The following PTPRN2 variants were observed in gnomAD, a reference collection of about 807,000 sequenced individuals.
PTPRN2 encodes the protein protein tyrosine phosphatase receptor type N2, also known as receptor-type tyrosine-protein phosphatase N2.
Under a neutral mutation model 118.8 loss-of-function variants are expected in PTPRN2, and 74 were observed. That is an observed-to-expected ratio of 0.62 (90% CI 0.52 to 0.76). The LOEUF (loss-of-function observed/expected upper bound fraction) is 0.76, where lower values mean the gene tolerates loss of function less well. Among genes scored for constraint, PTPRN2 ranks in the 30% least tolerant of loss-of-function variants. PTPRN2 has a pLI of 0.00. For missense variants in PTPRN2, 1,481 were observed against 1,394.4 expected (o/e 1.06, Z -0.99); for synonymous variants, 641 against 608.0 (o/e 1.05, Z -0.80).
At chr7:157,759,291 A>G (rs1480632617) in intron 12 of PTPRN2, among the ~76,000 whole-genome samples, 1 of 152,222 alleles carries the variant, frequency 6.6e-6, no homozygotes, top group African/African-American at 2.4e-5. Flanking sequence ...CCATGCGCCA[A>G]GGGAGCCTGC....
chr7:158,440,846 CG>C (rs1224217317), intron 2 of PTPRN2, among the ~76,000 whole-genome samples: 2 of 25,628 alleles, frequency 7.8e-5, no homozygotes, highest in Non-Finnish European at 1.6e-4. Context: ...ATGGCAGTGA[CG>C]GGGGTGGTGG....
intron 12 of PTPRN2, among the ~76,000 whole-genome samples, chr7:157,689,770 G>C (rs948378429): frequency 6.6e-6 from 1 of 152,208 alleles, no homozygotes; most frequent in East Asian, 1.9e-4. Flanking sequence ...TTCTCTTTGG[G>C]GGAGGAGAGA....
chr7:158,549,261 G>A (rs1011764358), intron 1 of PTPRN2, among the ~76,000 whole-genome samples: 1 of 152,160 alleles, frequency 6.6e-6, no homozygotes, highest in Admixed American at 6.5e-5. Flanking sequence ...TGAATCAGAC[G>A]GTGGTGGCTT....
At chr7:158,319,481 GCCTCCCTCACACTCACACA>G (rs1802671134) in intron 2 of PTPRN2, among the ~76,000 whole-genome samples, 1 of 30,334 alleles carries the variant, frequency 3.3e-5, no homozygotes, top group African/African-American at 1.3e-4. Flanking sequence ...CACAAGCACA[GCCTCCCTCACACTCACACA>G]GCCTCCCCCC....
intron 2 of PTPRN2, among the ~76,000 whole-genome samples, chr7:158,330,572 C>T: frequency 2.2e-5 from 1 of 45,980 alleles, no homozygotes; most frequent in Non-Finnish European, 4.9e-5. Context: ...CACACTCTCA[C>T]CCTAAGAGGT....
At chr7:157,659,244 C>T (rs980615846) in intron 13 of PTPRN2, among the ~76,000 whole-genome samples, 3 of 148,146 alleles carry the variant, frequency 2.0e-5, no homozygotes, top group Non-Finnish European at 4.5e-5. Flanking sequence ...CCTGCAGCCC[C>T]TGTGAGAGCA....
At chr7:158,368,550 G>A (rs548967127) in intron 2 of PTPRN2, among the ~76,000 whole-genome samples, 226 of 152,304 alleles carry the variant, frequency 1.5e-3, no homozygotes, top group African/African-American at 4.7e-3. Flanking sequence ...ATATGAAACT[G>A]TTAGTTCCTG....
At chr7:157,968,524 TTC>T (rs1240213953) in intron 11 of PTPRN2, among the ~76,000 whole-genome samples, 1 of 152,226 alleles carries the variant, frequency 6.6e-6, no homozygotes, top group Admixed American at 6.5e-5. Flanking sequence ...ACCAGCCTCC[TTC>T]TGTTTTTCCA....
At chr7:157,704,697 C>T (rs992514996) in intron 12 of PTPRN2, among the ~76,000 whole-genome samples, 1 of 152,226 alleles carries the variant, frequency 6.6e-6, no homozygotes, top group Non-Finnish European at 1.5e-5. Context: ...CAGGACAGAA[C>T]AGGAACCACT....
At chr7:158,151,905 G>A (rs1821214875) in intron 6 of PTPRN2, among the ~76,000 whole-genome samples, 1 of 152,182 alleles carries the variant, frequency 6.6e-6, no homozygotes, top group South Asian at 2.1e-4. Flanking sequence ...CGGGCGCGGT[G>A]GCTCACGCCT....
intron 3 of PTPRN2, among the ~76,000 whole-genome samples, chr7:158,303,601 G>T (rs934649477): frequency 1.3e-5 from 2 of 152,194 alleles, no homozygotes; most frequent in Non-Finnish European, 2.9e-5. Flanking sequence ...ACAGGAATAA[G>T]AAGAAAGCCA....
intron 11 of PTPRN2, among the ~76,000 whole-genome samples, chr7:158,069,607 GC>G (rs1346423323): frequency 1.3e-5 from 2 of 150,716 alleles, no homozygotes; most frequent in Non-Finnish European, 3.0e-5. Context: ...TGGCCACCAC[GC>G]CCCACCTCCT....
At chr7:158,524,470 AGTCTGCCCTGGAGC>A (rs1824609842) in intron 1 of PTPRN2, among the ~76,000 whole-genome samples, 1 of 101,178 alleles carries the variant, frequency 9.9e-6, no homozygotes, top group Non-Finnish European at 1.9e-5. Flanking sequence ...CCTGGAGCGG[AGTCTGCCCTGGAGC>A]GGAGTCTGCC....
At chr7:158,431,974 C>T (rs547160160) in intron 2 of PTPRN2, among the ~76,000 whole-genome samples, 1 of 152,374 alleles carries the variant, frequency 6.6e-6, no homozygotes, top group South Asian at 2.1e-4. Flanking sequence ...GACAAGCCCA[C>T]CTGAGCAGAA....
chr7:158,587,789 T>C lies in PTPRN2; in HGVS notation c.-120A>G. ...TCCTCCCGCCGCGCCTCTCGCGCTC[T>C]TGCGGCGACGCCGGGCCGAGCTTCA... On this transcript the variant is annotated 5_prime_UTR_variant, in exon 1 of 23. Coordinates refer to ENST00000389418, the MANE Select transcript of PTPRN2 (RefSeq NM_002847.5). 5.2e-6 allele frequency: 5 copies of C among 953,602 alleles called. No homozygotes were observed. Among genetic ancestry groups the C allele is most frequent in the Non-Finnish European group, 6.3e-6 (5 of 798,098 alleles). The allele number at this position is 953,602 out of a possible 1,614,324, so 59.1% of individuals were successfully genotyped here.
At chr7:157,777,040 C>T (rs1363736952) in intron 12 of PTPRN2, among the ~76,000 whole-genome samples, 3 of 151,122 alleles carry the variant, frequency 2.0e-5, no homozygotes, top group South Asian at 2.1e-4. Flanking sequence ...TCCTCCCTAC[C>T]TCTCCACTCC....
Position 157,967,169 on chromosome 7 carries a change from A to T in PTPRN2, c.1724-68432T>A, listed in dbSNP as rs566715158. Among the ~76,000 whole-genome samples the T allele has an allele frequency of 3.9e-5, 6 of 152,192 alleles. No homozygotes were observed. In the East Asian group the frequency reaches 5.8e-4, roughly 15 times the overall value. On this transcript the variant is annotated intron_variant, in intron 11 of 22. Coordinates refer to ENST00000389418, the MANE Select transcript of PTPRN2 (RefSeq NM_002847.5). The stretch of plus-strand genomic sequence containing the variant: ...ATCCTATCTCTATTAAATTTTTTTT[A>T]AAAATTAGCCAGATGTGGTGGCTCA...
chr7:157,539,559 C>T lies in PTPRN2; in HGVS notation c.*1155G>A, dbSNP rs919454659. The stretch of plus-strand genomic sequence containing the variant: ...TACTCAAATGTTATTTTGTCAAATC[C>T]GAATCATCTCTACGTGCTTAGGTTT... On this transcript the variant is annotated 3_prime_UTR_variant, in exon 23 of 23. Transcript: ENST00000389418. The T allele has an allele frequency of 6.6e-6, 1 of 152,196 alleles. No individual in the cohort carries two copies. The highest frequency in any genetic ancestry group is 2.4e-5 in the African/African-American group (1 of 41,426). The allele number at this position is 152,196 out of a possible 1,614,324, so 9.4% of individuals were successfully genotyped here.
At chr7:157,681,042 C>CT (rs5888727) in intron 13 of PTPRN2, among the ~76,000 whole-genome samples, 9 of 150,604 alleles carry the variant, frequency 6.0e-5, no homozygotes, top group African/African-American at 1.2e-4. Context: ...ACTGGGAAGG[C>CT]TTTTTTTTTT....
Sources: allele counts gnomAD v4.1 joint callset (sites outside exome capture counted in the v4.1 genomes callset), GRCh38; gene constraint gnomAD v4.1.1; transcripts MANE v1.5; gene names NCBI Gene and HGNC (gene_info 2026-07-23, HGNC 2026-07-21).